ROBO2: variants seen among roughly 807,000 people sequenced by gnomAD.
ROBO2 encodes the protein roundabout guidance receptor 2, also known as roundabout homolog 2.
ROBO2 carries 53 observed loss-of-function variants against 160.8 expected under a neutral mutation model. The observed-to-expected ratio is 0.33, with a 90% confidence interval of 0.26 to 0.41. The LOEUF (loss-of-function observed/expected upper bound fraction) is 0.41, where lower values mean the gene tolerates loss of function less well. Among genes scored for constraint, ROBO2 ranks in the 10% least tolerant of loss-of-function variants. The pLI, the probability that ROBO2 is intolerant of heterozygous loss-of-function variation, is 1.00. For synonymous variants in ROBO2, 664 were observed against 611.7 expected, an observed-to-expected ratio of 1.09 and a Z score of -1.26; for missense variants, 1,577 against 1,722.4, an observed-to-expected ratio of 0.92 and a Z score of 1.49.
chr3:77,547,503 C>T (rs2092743344), intron 7 of ROBO2, among the ~76,000 whole-genome samples: 1 of 152,050 alleles, frequency 6.6e-6, no homozygotes, highest in African/African-American at 2.4e-5. Context: ...CATTAGAAGA[C>T]TCTGTTGATT....
At chr3:77,562,541 C>A in intron 9 of ROBO2, 110 bp from the exon 11 acceptor site, 1 of 744,402 alleles carries the variant, frequency 1.3e-6, no homozygotes, top group Non-Finnish European at 2.4e-6. Context: ...ATTTAGACAA[C>A]AAAATGATAC....
intron 2 of ROBO2, among the ~76,000 whole-genome samples, chr3:76,172,571 C>T (rs1170413326): frequency 6.6e-6 from 1 of 151,906 alleles, no homozygotes; most frequent in Non-Finnish European, 1.5e-5. Flanking sequence ...GACCTAGATT[C>T]TCAAACTTAA....
intron 2 of ROBO2, among the ~76,000 whole-genome samples, chr3:76,932,910 G>A (rs889166666): frequency 6.6e-6 from 1 of 151,318 alleles, no homozygotes; most frequent in Non-Finnish European, 1.5e-5. Context: ...CCCCGGCCCC[G>A]AGAAGTCTAT....
intron 2 of ROBO2, among the ~76,000 whole-genome samples, chr3:76,788,281 C>A (rs989731232): frequency 1.3e-5 from 2 of 151,402 alleles, no homozygotes; most frequent in Admixed American, 1.3e-4. Flanking sequence ...CTTGACACAG[C>A]ACATACTCTA....
chr3:76,823,881 C>T (rs72898154), intron 2 of ROBO2, among the ~76,000 whole-genome samples: 105 of 152,238 alleles, frequency 6.9e-4, no homozygotes, highest in African/African-American at 2.5e-3. Flanking sequence ...GTGACTTTCC[C>T]TGATTAGCAG....
chr3:77,142,882 C>G (rs2076816285), intron 2 of ROBO2, among the ~76,000 whole-genome samples: 1 of 152,066 alleles, frequency 6.6e-6, no homozygotes, highest in African/African-American at 2.4e-5. Flanking sequence ...CGCTAGTAGC[C>G]CTGTTTTTAC....
chr3:76,677,676 C>T (rs941210657), intron 2 of ROBO2, among the ~76,000 whole-genome samples: 6 of 151,912 alleles, frequency 3.9e-5, no homozygotes, highest in African/African-American at 1.2e-4. Context: ...CAATATTTTG[C>T]CTGCTCTGAT....
intron 17 of ROBO2, among the ~76,000 whole-genome samples, chr3:77,593,702 T>C (rs1352534739): frequency 6.6e-6 from 1 of 152,112 alleles, no homozygotes; most frequent in African/African-American, 2.4e-5. Flanking sequence ...GGGACTTCAT[T>C]TGGAAATGTG....
chr3:75,942,064 T>A (rs1282306532), intron 2 of ROBO2, among the ~76,000 whole-genome samples: 1 of 152,150 alleles, frequency 6.6e-6, no homozygotes, highest in Non-Finnish European at 1.5e-5. Context: ...TCTCTTTCAT[T>A]CCAGAAATTT....
intron 2 of ROBO2, among the ~76,000 whole-genome samples, chr3:76,617,544 T>A (rs907973514): frequency 6.6e-6 from 1 of 152,202 alleles, no homozygotes; most frequent in Admixed American, 6.5e-5. Flanking sequence ...AATCTTCATT[T>A]ATTTTTCATT....
chr3:77,400,164 T>A (rs1465272125), intron 2 of ROBO2, among the ~76,000 whole-genome samples: 2 of 152,136 alleles, frequency 1.3e-5, no homozygotes, highest in South Asian at 2.1e-4. Flanking sequence ...TATTTAAAAA[T>A]TTTCCTTATT....
intron 2 of ROBO2, among the ~76,000 whole-genome samples, chr3:76,004,694 C>G (rs1576448721): frequency 6.6e-6 from 1 of 152,206 alleles, no homozygotes. Flanking sequence ...CCAAAGGCTC[C>G]AACTCCAAAT....
chr3:77,550,829 C>T, exon 8 of ROBO2: 1 of 1,612,776 alleles, frequency 6.2e-7, no homozygotes, highest in Non-Finnish European at 8.5e-7. Context: ...ACCTACTTTT[C>T]CCAAACCAAC....
At chr3:77,544,695 G>A (rs1217937433) in intron 6 of ROBO2, among the ~76,000 whole-genome samples, 1 of 152,068 alleles carries the variant, frequency 6.6e-6, no homozygotes, top group Non-Finnish European at 1.5e-5. Context: ...TCCAGTGACA[G>A]TTTTTACCAG....
intron 2 of ROBO2, among the ~76,000 whole-genome samples, chr3:76,910,308 G>A (rs2075889222): frequency 6.6e-6 from 1 of 152,114 alleles, no homozygotes; most frequent in African/African-American, 2.4e-5. Context: ...TTGTAGATGA[G>A]TCTGTTGATT....
At chr3:76,843,998 T>G (rs190061922) in intron 2 of ROBO2, among the ~76,000 whole-genome samples, 1 of 152,104 alleles carries the variant, frequency 6.6e-6, no homozygotes, top group East Asian at 1.9e-4. Flanking sequence ...TATTACATAT[T>G]TGAGTTCTAA....
chr3:76,366,937 A>G (rs1241126124), intron 2 of ROBO2, among the ~76,000 whole-genome samples: 5 of 151,994 alleles, frequency 3.3e-5, no homozygotes, highest in Non-Finnish European at 2.9e-5. Context: ...ATTTTGTTTT[A>G]AACTATAATA....
intron 2 of ROBO2, among the ~76,000 whole-genome samples, chr3:76,458,610 C>T (rs987978338): frequency 1.3e-5 from 2 of 152,140 alleles, no homozygotes; most frequent in East Asian, 1.9e-4. Flanking sequence ...TCTACTGATA[C>T]CAATTTACCG....
At chr3:76,356,784 C>T (rs1472672721) in intron 2 of ROBO2, among the ~76,000 whole-genome samples, 1 of 151,584 alleles carries the variant, frequency 6.6e-6, no homozygotes, top group Non-Finnish European at 1.5e-5. Flanking sequence ...TTATTTAATA[C>T]CCCACTATGC....
Sources: allele counts gnomAD v4.1 joint callset (sites outside exome capture counted in the v4.1 genomes callset), GRCh38; gene constraint gnomAD v4.1.1; transcripts MANE v1.5; gene names NCBI Gene and HGNC (gene_info 2026-07-23, HGNC 2026-07-21).